DLG2: variants seen among roughly 807,000 people sequenced by gnomAD.
DLG2 encodes disks large homolog 2.
DLG2 carries 45 observed loss-of-function variants against 132.5 expected under a neutral mutation model. The ratio of observed to expected loss-of-function variants is 0.34; its 90% CI spans 0.27 to 0.44. The LOEUF (loss-of-function observed/expected upper bound fraction) is 0.44. DLG2 is among the 20% of genes least tolerant of loss of function. DLG2 has a pLI of 1.00. For missense variants in DLG2, 1,045 were observed against 1,196.9 expected (o/e 0.87, Z 1.87); for synonymous variants, 424 against 419.6 (o/e 1.01, Z -0.13).
chr11:84,287,773 CACACACA>C (rs2097926278), intron 7 of DLG2, among the ~76,000 whole-genome samples: 1 of 151,234 alleles, frequency 6.6e-6, no homozygotes, highest in Non-Finnish European at 1.5e-5. Context: ...CACACACACA[CACACACA>C]AATACTTTAT....
intron 6 of DLG2, among the ~76,000 whole-genome samples, chr11:85,096,211 G>C (rs543742622): frequency 6.6e-6 from 1 of 152,160 alleles, no homozygotes; most frequent in Non-Finnish European, 1.5e-5. Flanking sequence ...CTGGCCACCC[G>C]CGCCAGCAGT....
At chr11:83,584,536 C>T (rs1016880518) in intron 19 of DLG2, among the ~76,000 whole-genome samples, 1 of 152,126 alleles carries the variant, frequency 6.6e-6, no homozygotes, top group African/African-American at 2.4e-5. Context: ...TGAAGAAGAA[C>T]CATCAAACTG....
chr11:85,361,334 C>A (rs946521932), intron 3 of DLG2, among the ~76,000 whole-genome samples: 4 of 151,116 alleles, frequency 2.6e-5, no homozygotes, highest in Non-Finnish European at 5.9e-5. Context: ...TTTTTATATA[C>A]TTAGGGGGTA....
chr11:84,218,637 G>GC (rs2096872721), intron 8 of DLG2, among the ~76,000 whole-genome samples: 2 of 152,192 alleles, frequency 1.3e-5, no homozygotes, highest in East Asian at 3.8e-4. Flanking sequence ...CCCTTAAAAT[G>GC]AAAGGATCCT....
At chr11:84,034,472 T>G (rs1161271874) in intron 11 of DLG2, among the ~76,000 whole-genome samples, 1 of 152,186 alleles carries the variant, frequency 6.6e-6, no homozygotes, top group Non-Finnish European at 1.5e-5. Flanking sequence ...TATGCATATA[T>G]AAATTTTTTC....
intron 6 of DLG2, among the ~76,000 whole-genome samples, chr11:85,026,003 A>G (rs1439882740): frequency 6.6e-6 from 1 of 152,010 alleles, no homozygotes; most frequent in Non-Finnish European, 1.5e-5. Context: ...AAATGTACAT[A>G]AGACAATAAA....
rs561849229 is a variant in DLG2, at chr11:83,506,799, A to C, written c.2194-22571T>G. 4.6e-5 allele frequency among the ~76,000 whole-genome samples: 7 copies of C among 152,340 alleles called. No individual in the cohort carries two copies. The East Asian group carries it at 1.4e-3, about 29-fold the overall frequency. On this transcript the variant is annotated intron_variant, in intron 21 of 27. Transcript: ENST00000376104. ...TTTCTATTGTAAGTTGCAGGGTCCC[A>C]TTCTTTTCCAATCAATGCCCTCACT...
At chr11:84,585,920 G>C (rs929525500) in intron 6 of DLG2, among the ~76,000 whole-genome samples, 11 of 152,220 alleles carry the variant, frequency 7.2e-5, no homozygotes, top group Non-Finnish European at 1.3e-4. Context: ...GGGAGGCTGA[G>C]GTGGGTGAAT....
intron 7 of DLG2, among the ~76,000 whole-genome samples, chr11:84,493,583 T>G (rs2099171120): frequency 6.6e-6 from 1 of 152,096 alleles, no homozygotes; most frequent in Non-Finnish European, 1.5e-5. Context: ...GGTGTTCATC[T>G]CTACATAAAC....
intron 7 of DLG2, among the ~76,000 whole-genome samples, chr11:84,350,639 G>A (rs151279052): frequency 1.3e-3 from 198 of 152,296 alleles, no homozygotes; most frequent in African/African-American, 4.5e-3. Context: ...TATACAGTTA[G>A]CATATAGTAA....
chr11:84,691,147 A>T (rs1183405290), intron 6 of DLG2, among the ~76,000 whole-genome samples: 1 of 151,820 alleles, frequency 6.6e-6, no homozygotes, highest in East Asian at 1.9e-4. Flanking sequence ...TAAGGTCTCC[A>T]TGATATTCTC....
intron 6 of DLG2, among the ~76,000 whole-genome samples, chr11:84,924,790 T>C (rs1184698296): frequency 6.6e-6 from 1 of 152,176 alleles, no homozygotes. Flanking sequence ...TCCGTCTGTC[T>C]TAGGAGCCTA....
intron 3 of DLG2, among the ~76,000 whole-genome samples, chr11:85,408,422 T>C (rs2088978956): frequency 6.6e-6 from 1 of 151,340 alleles, no homozygotes; most frequent in Non-Finnish European, 1.5e-5. Context: ...ATACTTTAAG[T>C]TTTAGGGTAC....
At chr11:85,547,016 AT>A in intron 3 of DLG2, among the ~76,000 whole-genome samples, 1 of 152,012 alleles carries the variant, frequency 6.6e-6, no homozygotes, top group East Asian at 1.9e-4. Context: ...TAAGGTTAAT[AT>A]TGTTATGTGT....
At chr11:85,129,786 G>A (rs975184008) in intron 5 of DLG2, among the ~76,000 whole-genome samples, 2 of 152,062 alleles carry the variant, frequency 1.3e-5, no homozygotes, top group African/African-American at 4.8e-5. Context: ...ATTCACAATC[G>A]CAAAGACTTG....
intron 5 of DLG2, among the ~76,000 whole-genome samples, chr11:85,151,244 C>G (rs551190613): frequency 1.3e-5 from 2 of 152,204 alleles, no homozygotes; most frequent in African/African-American, 4.8e-5. Flanking sequence ...TGTAGAAGTT[C>G]TTCATATATT....
rs1014952111 is a variant in DLG2 at position 83,996,716 on chromosome 11, C to A, written c.920-16074G>T. On this transcript the variant is annotated intron_variant, in intron 11 of 27. Transcript: ENST00000376104. ...TATGTTAAGTGAAATAAGCAAGAGACAGAAAGACAAACATCTCATGTTCTC... is the reference window on the plus strand; with the variant it reads ...TATGTTAAGTGAAATAAGCAAGAGAAAGAAAGACAAACATCTCATGTTCTC... Among the ~76,000 whole-genome samples the A allele has an allele frequency of 3.3e-5, 5 of 152,148 alleles. No individual in the cohort carries two copies. The South Asian group carries it at 1.0e-3, about 32-fold the overall frequency.
intron 7 of DLG2, among the ~76,000 whole-genome samples, chr11:84,523,118 A>G (rs574337502): frequency 2.6e-5 from 4 of 152,314 alleles, no homozygotes; most frequent in Middle Eastern, 3.4e-3. Context: ...ATTTCCAATC[A>G]TTACTGAGAG....
chr11:84,731,732 C>A (rs374424647), intron 6 of DLG2, among the ~76,000 whole-genome samples: 10 of 151,860 alleles, frequency 6.6e-5, no homozygotes, highest in African/African-American at 2.4e-4. Flanking sequence ...TTCTAAAAGC[C>A]TTAGGAAACT....
Sources: allele counts gnomAD v4.1 joint callset (sites outside exome capture counted in the v4.1 genomes callset), GRCh38; gene constraint gnomAD v4.1.1; transcripts MANE v1.5; gene names NCBI Gene and HGNC (gene_info 2026-07-23, HGNC 2026-07-21).